ANXA3: variants seen among roughly 807,000 people sequenced by gnomAD.
The protein encoded by ANXA3 is 35-alpha calcimedin.
ANXA3 carries 46 observed loss-of-function variants against 48.8 expected under a neutral mutation model. The observed-to-expected ratio is 0.94, with a 90% confidence interval of 0.74 to 1.21. The LOEUF is 1.21. ANXA3 is among the 50% of genes most tolerant of loss of function. ANXA3 has a pLI of 0.00. For synonymous variants in ANXA3, 128 were observed against 134.7 expected (o/e 0.95, Z 0.35); for missense variants, 383 against 378.6 (o/e 1.01, Z -0.10).
chr4:78,587,628 A>C (rs750922771), intron 6 of ANXA3, among the ~76,000 whole-genome samples: 1 of 152,206 alleles, frequency 6.6e-6, no homozygotes, highest in Non-Finnish European at 1.5e-5. Flanking sequence ...CCAAAGAAGG[A>C]GTACATATTG....
rs1266519002 is a variant in ANXA3 at position 78,582,227 on chromosome 4, C to A, written c.249C>A (p.Leu83=). 1 of 1,613,736 alleles carries A rather than the reference C, an allele frequency of 6.2e-7. No individual in the cohort carries two copies. Among genetic ancestry groups the A allele is most frequent in the Non-Finnish European group, 8.5e-7 (1 of 1,179,784 alleles). The stretch of plus-strand genomic sequence containing the variant: ...ATCTCTCTGGCCACTTTGAGCATCT[C>A]ATGGTGGCCCTAGTGACTCCACCAG... ...KGDLSGHFEH[L]MVALVTPPAV... The change falls in exon 5 of 13, where the codon CTC becomes CTA. Residue 83 remains leucine, a synonymous_variant. Transcript: ENST00000264908.
intron 10 of ANXA3, among the ~76,000 whole-genome samples, chr4:78,598,415 G>A (rs932454470): frequency 7.9e-5 from 12 of 151,978 alleles, no homozygotes; most frequent in Non-Finnish European, 4.4e-5. Context: ...CTAAGAAAGG[G>A]AAAACTTTCT....
chr4:78,579,647 T>A (rs903445326), intron 4 of ANXA3, among the ~76,000 whole-genome samples: 1 of 152,186 alleles, frequency 6.6e-6, no homozygotes, highest in African/African-American at 2.4e-5. Flanking sequence ...GCAAAGAAAA[T>A]TTAGTAATTA....
chr4:78,557,207 T>G (rs1722533745), intron 2 of ANXA3, among the ~76,000 whole-genome samples: 1 of 152,216 alleles, frequency 6.6e-6, no homozygotes, highest in Non-Finnish European at 1.5e-5. Context: ...TGTCCTTGTA[T>G]GTGGCCCCTG....
At chr4:78,582,645 C>A (rs1723095495) in intron 5 of ANXA3, among the ~76,000 whole-genome samples, 1 of 152,180 alleles carries the variant, frequency 6.6e-6, no homozygotes, top group African/African-American at 2.4e-5. Context: ...AATCTATCAG[C>A]AAGTTCCTTA....
chr4:78,595,646 G>A, intron 8 of ANXA3, 148 bp from the exon 9 acceptor site: 1 of 748,064 alleles, frequency 1.3e-6, no homozygotes, highest in Non-Finnish European at 2.2e-6. Flanking sequence ...GCTCCTGACA[G>A]CCCAATTTTT....
intron 6 of ANXA3, among the ~76,000 whole-genome samples, chr4:78,589,474 T>G (rs186512574): frequency 5.3e-4 from 81 of 152,332 alleles, no homozygotes; most frequent in Admixed American, 2.2e-3. Flanking sequence ...GTTGTCACTC[T>G]CTCGGCAGCA....
chr4:78,595,300 A>C, intron 7 of ANXA3, 81 bp from the exon 8 acceptor site: 1 of 1,474,018 alleles, frequency 6.8e-7, no homozygotes, highest in Non-Finnish European at 9.5e-7. Flanking sequence ...AAAACCACTA[A>C]GATCCCCTGC....
At chr4:78,570,271 C>T (rs1473957725) in intron 2 of ANXA3, among the ~76,000 whole-genome samples, 1 of 152,136 alleles carries the variant, frequency 6.6e-6, no homozygotes. Flanking sequence ...TTGGGAATTT[C>T]CTCCTTCTCT....
chr4:78,588,430 A>G (rs1225344298), intron 6 of ANXA3, among the ~76,000 whole-genome samples: 1 of 152,196 alleles, frequency 6.6e-6, no homozygotes, highest in East Asian at 1.9e-4. Flanking sequence ...CTTTCAGAGG[A>G]CTGAAAAAGC....
In ANXA3 at chr4:78,578,302, A is replaced by AGC. The variant is rs1351494019; in HGVS notation, c.104-724_104-723insCG. ...GGGCGAAGGGGAGAGAGAGAGCGAG[A>AGC]GAGAGAGAGAGAGAGAGAGAGAGAG... On this transcript the variant is annotated intron_variant, in intron 3 of 12. Coordinates refer to ENST00000264908, the MANE Select transcript of ANXA3 (RefSeq NM_005139.3). Among the ~76,000 whole-genome samples the AGC allele has an allele frequency of 1.4e-4, 13 of 96,290 alleles. 1 individual carries two copies. The highest frequency in any genetic ancestry group is 5.4e-4 in the African/African-American group (13 of 24,270). The allele number at this position is 96,290 out of a possible 152,430, so 63.2% of individuals were successfully genotyped here.
chr4:78,568,395 G>A (rs7670643), intron 2 of ANXA3, among the ~76,000 whole-genome samples: 5,628 of 152,236 alleles, frequency 0.037, 344 homozygotes, highest in African/African-American at 0.13. Flanking sequence ...GAGAGCCATC[G>A]TTTCTCCCCG....
rs149914703 is a variant in ANXA3 at position 78,588,229 on chromosome 4, A to T, written c.403+1879A>T. Among the ~76,000 whole-genome samples, 3 of 152,042 alleles carry T rather than the reference A, an allele frequency of 2.0e-5. No individual in the cohort carries two copies. In the East Asian group the frequency reaches 5.8e-4, roughly 30 times the overall value. On this transcript the variant is annotated intron_variant, in intron 6 of 12. Coordinates refer to ENST00000264908, the MANE Select transcript of ANXA3 (RefSeq NM_005139.3). ...CAACATGACAAAACCCCGTCTCTATAAAAAATACCAAAAATTGGCCAGGTG... is the reference window on the plus strand; with the variant it reads ...CAACATGACAAAACCCCGTCTCTATTAAAAATACCAAAAATTGGCCAGGTG...
intron 12 of ANXA3, among the ~76,000 whole-genome samples, chr4:78,605,062 T>G (rs1723620279): frequency 6.6e-6 from 1 of 152,242 alleles, no homozygotes. Context: ...TGCAATTCCA[T>G]GAGGAATGTA....
intron 3 of ANXA3, among the ~76,000 whole-genome samples, chr4:78,578,386 G>T (rs1723006610): frequency 6.8e-6 from 1 of 147,004 alleles, no homozygotes. Context: ...AGGAAGGGAG[G>T]GAGGGAGGGA....
At chr4:78,559,182 C>A (rs993457751) in intron 2 of ANXA3, among the ~76,000 whole-genome samples, 1 of 152,002 alleles carries the variant, frequency 6.6e-6, no homozygotes, top group African/African-American at 2.4e-5. Context: ...TGGGCTCAAG[C>A]GATCCTACTG....
rs1485403432 is a variant in ANXA3 at position 78,610,127 on chromosome 4, A to G, written c.*12A>G. The G allele has an allele frequency of 2.5e-6, 4 of 1,603,872 alleles. No individual in the cohort carries two copies. The highest frequency in any genetic ancestry group is 3.4e-6 in the Non-Finnish European group (4 of 1,172,570). ...GTGGAGATGACTGAACCAAGAAGATAATCTCCAAAGGTCCACGATGGGCTT... is the reference window on the plus strand; with the variant it reads ...GTGGAGATGACTGAACCAAGAAGATGATCTCCAAAGGTCCACGATGGGCTT... On this transcript the variant is annotated 3_prime_UTR_variant, in exon 13 of 13. Transcript: ENST00000264908.
chr4:78,601,401 A>G (rs2109948974), intron 10 of ANXA3, 109 bp from the exon 11 acceptor site: 1 of 958,388 alleles, frequency 1.0e-6, no homozygotes, highest in South Asian at 1.5e-5. Flanking sequence ...TGGGGAGGGG[A>G]TAGAGTGGTA....
At chr4:78,586,183 A>G in intron 5 of ANXA3, 77 bp from the exon 6 acceptor site, 1 of 1,106,462 alleles carries the variant, frequency 9.0e-7, no homozygotes, top group East Asian at 2.4e-5. Context: ...ATCTATATAA[A>G]CAAGATAATA....
Sources: gnomAD v4.1 joint callset for allele counts (sites outside exome capture counted in the v4.1 genomes callset) on GRCh38, gnomAD v4.1.1 for gene constraint, MANE v1.5 for transcripts, NCBI Gene and HGNC (gene_info 2026-07-23, HGNC 2026-07-21) for gene names.